BRAP: variants seen among roughly 807,000 people sequenced by gnomAD.
BRAP encodes BRCA1-associated protein.
Under a neutral mutation model 73.4 loss-of-function variants are expected in BRAP, and 42 were observed. The ratio of observed to expected loss-of-function variants is 0.57; its 90% CI spans 0.45 to 0.74. BRAP has a LOEUF of 0.74. Among genes scored for constraint, BRAP ranks in the 30% least tolerant of loss-of-function variants. The pLI, the probability that BRAP is intolerant of heterozygous loss-of-function variation, is 0.00. For missense variants in BRAP, 593 were observed against 751.4 expected (o/e 0.79, Z 2.46); for synonymous variants, 255 against 267.4 (o/e 0.95, Z 0.45).
At chr12:111,662,834 A>C (rs376525328) in intron 6 of BRAP, among the ~76,000 whole-genome samples, 24 of 151,892 alleles carry the variant, frequency 1.6e-4, no homozygotes, top group African/African-American at 5.3e-4. Flanking sequence ...TTGAATAAGA[A>C]AACAGGCCAG....
chr12:111,644,651 A>C, intron 11 of BRAP, 89 bp from the exon 12 acceptor site: 2 of 1,531,842 alleles, frequency 1.3e-6, no homozygotes, highest in Admixed American at 3.8e-5. Flanking sequence ...AGAAACCATG[A>C]CCTCAGAATC....
chr12:111,643,263 C>T lies in BRAP; in HGVS notation c.*936G>A, dbSNP rs546684918. The T allele has an allele frequency of 3.8e-4, 58 of 152,254 alleles. No individual in the cohort carries two copies. Among genetic ancestry groups the T allele is most frequent in the African/African-American group, 1.2e-3 (50 of 41,562 alleles). The allele number at this position is 152,254 out of a possible 1,614,324, so 9.4% of individuals were successfully genotyped here. On this transcript the variant is annotated 3_prime_UTR_variant, in exon 12 of 12. Transcript: ENST00000419234. ...AAGCGTAATTGAAAATCTGCCCAAG[C>T]TCCCTCTAGCTGCAACCTGAACATG...
intron 10 of BRAP, among the ~76,000 whole-genome samples, chr12:111,653,256 C>T (rs1356509513): frequency 1.3e-5 from 2 of 152,154 alleles, no homozygotes; most frequent in Non-Finnish European, 2.9e-5. Context: ...CCATGACACA[C>T]ACAAAAGTGA....
chr12:111,671,485 G>A (rs1887168109), intron 5 of BRAP, among the ~76,000 whole-genome samples: 1 of 152,054 alleles, frequency 6.6e-6, no homozygotes, highest in South Asian at 2.1e-4. Flanking sequence ...GGGAGGTGGA[G>A]GTTGCAGTGA....
chr12:111,681,963 G>T, intron 2 of BRAP, 128 bp from the exon 3 acceptor site: 2 of 854,024 alleles, frequency 2.3e-6, no homozygotes, highest in South Asian at 2.1e-5. Flanking sequence ...TGCATTAACA[G>T]CTATTATTTG....
Position 111,643,982 on chromosome 12 carries a change from C to A in BRAP, c.*217G>T. The A allele has an allele frequency of 1.4e-6, 1 of 706,020 alleles. No individual in the cohort carries two copies. The highest frequency in any genetic ancestry group is 2.2e-6 in the Non-Finnish European group (1 of 446,164). The allele number at this position is 706,020 out of a possible 1,614,324, so 43.7% of individuals were successfully genotyped here. ...CATTAGAATGTGAGGTTAGTGAACT[C>A]TTAAGACCTTTTCGAACGCAGCGCC... On this transcript the variant is annotated 3_prime_UTR_variant, in exon 12 of 12. Transcript: ENST00000419234.
intron 5 of BRAP, among the ~76,000 whole-genome samples, chr12:111,669,113 C>T (rs1441892967): frequency 6.6e-6 from 1 of 152,148 alleles, no homozygotes; most frequent in Non-Finnish European, 1.5e-5. Flanking sequence ...ACGTTTTCCT[C>T]CCAATACTCC....
At chr12:111,681,906 A>G (rs978425021) in intron 2 of BRAP, 71 bp from the exon 3 acceptor site, 1 of 1,398,336 alleles carries the variant, frequency 7.2e-7, no homozygotes, top group Non-Finnish European at 9.7e-7. Context: ...ACTAGATTAA[A>G]ATTTCAAGTC....
Position 111,642,725 on chromosome 12 carries a change from A to G in BRAP, c.*1474T>C, listed in dbSNP as rs991816923. The G allele has an allele frequency of 6.6e-6, 1 of 152,220 alleles. No individual in the cohort carries two copies. Among genetic ancestry groups the G allele is most frequent in the African/African-American group, 2.4e-5 (1 of 41,450 alleles). 9.4% of individuals were successfully genotyped at this position (152,220 alleles called of 1,614,324 possible). On this transcript the variant is annotated 3_prime_UTR_variant, in exon 12 of 12. Transcript: ENST00000419234. ...TAAGATATCTGTATATATAAGTCCA[A>G]GAGAGACTCAAAGAGTTGGTCTGCC...
At chr12:111,669,263 C>G (rs894475483) in intron 5 of BRAP, among the ~76,000 whole-genome samples, 4 of 148,496 alleles carry the variant, frequency 2.7e-5, no homozygotes, top group African/African-American at 1.0e-4. Context: ...GAGTTTCGCT[C>G]TTGTTGCCCA....
In BRAP at chr12:111,643,691, G is replaced by C. The variant is rs1885985346; in HGVS notation, c.*508C>G. On this transcript the variant is annotated 3_prime_UTR_variant, in exon 12 of 12. Coordinates refer to ENST00000419234, the MANE Select transcript of BRAP (RefSeq NM_006768.5). ...AATTCTTCCACTCCCCAGAGGAAGG[G>C]GGAGATGATAATGATATGACACTAT... 6.5e-6 allele frequency: 1 copy of C among 152,856 alleles called. No homozygotes were observed. Among genetic ancestry groups the C allele is most frequent in the African/African-American group, 2.4e-5 (1 of 41,412 alleles). 9.5% of individuals were successfully genotyped at this position (152,856 alleles called of 1,614,324 possible).
chr12:111,660,971 G>C (rs7977023), intron 6 of BRAP, among the ~76,000 whole-genome samples: 2,317 of 151,822 alleles, frequency 0.015, 69 homozygotes, highest in African/African-American at 0.053. Flanking sequence ...TTTCATGTCT[G>C]ATTATTTATA....
intron 9 of BRAP, among the ~76,000 whole-genome samples, chr12:111,657,142 C>A (rs1219969117): frequency 6.6e-6 from 1 of 152,164 alleles, no homozygotes; most frequent in East Asian, 1.9e-4. Flanking sequence ...CTCCCAGGTT[C>A]AAGCGATTCT....
intron 5 of BRAP, among the ~76,000 whole-genome samples, chr12:111,671,860 AT>A (rs1191419049): frequency 6.6e-6 from 1 of 151,384 alleles, no homozygotes; most frequent in African/African-American, 2.4e-5. Context: ...TAATTTTTGT[AT>A]TTTTTGTAGA....
intron 6 of BRAP, among the ~76,000 whole-genome samples, chr12:111,663,522 T>A (rs911977637): frequency 6.6e-6 from 1 of 152,184 alleles, no homozygotes; most frequent in African/African-American, 2.4e-5. Flanking sequence ...AAAATTATTT[T>A]ATCCTATTTT....
rs758911347 is a variant in BRAP, at chr12:111,658,704, CAGAT to C, written c.1221+28_1221+31del. ...TTAGAATAGTAAAGAGCAGTAGAAA[CAGAT>C]AGAGTGATAACTCATTAAATCTCTT... On this transcript the variant is annotated intron_variant, in intron 9 of 11. Coordinates refer to ENST00000419234, the MANE Select transcript of BRAP (RefSeq NM_006768.5). 1.2e-5 allele frequency: 17 copies of C among 1,395,042 alleles called. No homozygotes were observed. In the Admixed American group the frequency reaches 2.2e-4, roughly 18 times the overall value. 86.4% of individuals were successfully genotyped at this position (1,395,042 alleles called of 1,614,324 possible). A position where few individuals can be genotyped will look rare whatever the true frequency, so the allele number is the denominator to read the frequency against.
intron 3 of BRAP, 37 bp from the exon 4 acceptor site, chr12:111,679,377 A>G (rs1205179209): frequency 7.2e-7 from 1 of 1,395,374 alleles, no homozygotes; most frequent in Non-Finnish European, 9.5e-7. Flanking sequence ...TGAATAGATG[A>G]GGTATGGTTA....
chr12:111,650,546 G>A (rs1592968632), intron 10 of BRAP, among the ~76,000 whole-genome samples: 1 of 152,100 alleles, frequency 6.6e-6, no homozygotes, highest in South Asian at 2.1e-4. Context: ...GATTACAGGC[G>A]TGAGCCACCG....
chr12:111,647,648 G>A (rs1886156709), intron 11 of BRAP, among the ~76,000 whole-genome samples: 2 of 152,278 alleles, frequency 1.3e-5, no homozygotes, highest in African/African-American at 2.4e-5. Context: ...GCTCACGCCT[G>A]TAAAACCAGC....
Sources: allele counts gnomAD v4.1 joint callset (sites outside exome capture counted in the v4.1 genomes callset), GRCh38; gene constraint gnomAD v4.1.1; transcripts MANE v1.5; gene names NCBI Gene and HGNC (gene_info 2026-07-23, HGNC 2026-07-21).